The following GBE1 variants were observed in gnomAD, a reference collection of about 807,000 sequenced individuals.
GBE1 encodes the protein 1,4-alpha-glucan-branching enzyme.
Under a neutral mutation model 88.8 loss-of-function variants are expected in GBE1, and 70 were observed. The observed-to-expected ratio is 0.79, with a 90% CI of 0.65 to 0.96. The LOEUF (loss-of-function observed/expected upper bound fraction) is 0.96, where lower values mean the gene tolerates loss of function less well. Ranked by LOEUF, GBE1 falls within the 40% of genes least tolerant of loss-of-function variation. GBE1 has a pLI of 0.00. For missense variants in GBE1, 872 were observed against 871.0 expected, an observed-to-expected ratio of 1.00 and a Z score of -0.01; for synonymous variants, 284 against 300.1, an observed-to-expected ratio of 0.95 and a Z score of 0.56.
At position 81,630,621 on chromosome 3, in the gene GBE1, T is replaced by C. The variant is rs1034303703; in HGVS notation, c.992+12160A>G. ...CAACTTTTTGCTGTAAAATTATGAATATTAAATACACATCAACTATTTCTG... is the reference window on the plus strand; with the variant it reads ...CAACTTTTTGCTGTAAAATTATGAACATTAAATACACATCAACTATTTCTG... On this transcript the variant is annotated intron_variant, in intron 7 of 15. Coordinates refer to ENST00000429644, the MANE Select transcript of GBE1 (RefSeq NM_000158.4). 3.3e-5 allele frequency among the ~76,000 whole-genome samples: 5 copies of C among 152,140 alleles called. No individual in the cohort carries two copies. In the South Asian group the frequency reaches 6.2e-4, roughly 19 times the overall value.
chr3:81,593,451 T>C (rs1200745721), intron 8 of GBE1, among the ~76,000 whole-genome samples: 1 of 150,742 alleles, frequency 6.6e-6, no homozygotes, highest in Non-Finnish European at 1.5e-5. Context: ...TCTACTTCTT[T>C]GTACAACTTT....
rs1318885346 is a variant in GBE1, at chr3:81,646,576, T to A, written c.692-94A>T. The stretch of plus-strand genomic sequence containing the variant: ...CATCCTTATTCCAAATACATTAAAA[T>A]TTACAAACAATCTAGAAGCTTTGGT... On this transcript the variant is annotated intron_variant, in intron 5 of 15. Coordinates refer to ENST00000429644, the MANE Select transcript of GBE1 (RefSeq NM_000158.4). 6 of 707,248 alleles carry A rather than the reference T, an allele frequency of 8.5e-6. No individual in the cohort carries two copies. The Admixed American group carries it at 1.2e-4, about 15-fold the overall frequency. The allele number at this position is 707,248 out of a possible 1,614,324, so 43.8% of individuals were successfully genotyped here. A position where few individuals can be genotyped will look rare whatever the true frequency, so the allele number is the denominator to read the frequency against.
chr3:81,512,219 T>G (rs1279334693), intron 14 of GBE1, among the ~76,000 whole-genome samples: 1 of 151,708 alleles, frequency 6.6e-6, no homozygotes, highest in African/African-American at 2.4e-5. Flanking sequence ...ATGGAGGCAG[T>G]GTCTGAAAAA....
chr3:81,619,986 G>A (rs1018534978), intron 7 of GBE1, among the ~76,000 whole-genome samples: 2 of 151,592 alleles, frequency 1.3e-5, no homozygotes, highest in Non-Finnish European at 2.9e-5. Context: ...ATACATTTAT[G>A]AGCTAAAATA....
At position 81,540,566 on chromosome 3, in the gene GBE1, G is replaced by T. The variant is rs187389013; in HGVS notation, c.1619-3471C>A. ...GTAACAAGGATGAATCCAAAGGGTT[G>T]CTAGCTATTTGGCTCTTGTTCATAC... On this transcript the variant is annotated intron_variant, in intron 12 of 15. Transcript: ENST00000429644. Among the ~76,000 whole-genome samples the T allele has an allele frequency of 2.2e-4, 33 of 152,132 alleles. No homozygotes were observed. In the East Asian group the frequency reaches 5.4e-3, roughly 25 times the overall value.
intron 7 of GBE1, among the ~76,000 whole-genome samples, chr3:81,611,276 T>C (rs1305861405): frequency 6.6e-6 from 1 of 152,174 alleles, no homozygotes; most frequent in African/African-American, 2.4e-5. Flanking sequence ...AAATATAATA[T>C]GAAAAGTCAG....
chr3:81,694,551 A>G (rs1705566423), intron 2 of GBE1, among the ~76,000 whole-genome samples: 1 of 152,198 alleles, frequency 6.6e-6, no homozygotes, highest in Admixed American at 6.5e-5. Context: ...TACCCACTAA[A>G]CCAACTCAAC....
At chr3:81,569,444 C>T (rs1231597524) in intron 12 of GBE1, among the ~76,000 whole-genome samples, 1 of 152,192 alleles carries the variant, frequency 6.6e-6, no homozygotes, top group African/African-American at 2.4e-5. Context: ...TGGCATTCCA[C>T]CAGTGAGTAG....
intron 7 of GBE1, among the ~76,000 whole-genome samples, chr3:81,596,936 A>G (rs570419816): frequency 1.3e-5 from 2 of 152,102 alleles, no homozygotes; most frequent in Admixed American, 6.6e-5. Context: ...GATGTTCAAT[A>G]TTATTTCTAC....
At chr3:81,696,883 C>G (rs1705604185) in intron 2 of GBE1, among the ~76,000 whole-genome samples, 1 of 152,180 alleles carries the variant, frequency 6.6e-6, no homozygotes, top group African/African-American at 2.4e-5. Context: ...GAAAAACTCT[C>G]TCAAACCATG....
chr3:81,595,185 G>A (rs930543869), intron 7 of GBE1, among the ~76,000 whole-genome samples: 5 of 151,176 alleles, frequency 3.3e-5, no homozygotes, highest in Non-Finnish European at 7.4e-5. Context: ...AGGGAGACAG[G>A]AGGTTCAAGA....
chr3:81,573,300 C>T (rs1703599242), intron 12 of GBE1, among the ~76,000 whole-genome samples: 1 of 152,106 alleles, frequency 6.6e-6, no homozygotes, highest in Non-Finnish European at 1.5e-5. Flanking sequence ...CTCAAATTAT[C>T]AGTCAATTGC....
At chr3:81,749,005 C>CAAAAAAAAA (rs34051030) in intron 1 of GBE1, among the ~76,000 whole-genome samples, 2 of 108,070 alleles carry the variant, frequency 1.9e-5, no homozygotes, top group Non-Finnish European at 1.9e-5. Flanking sequence ...GACTCTGTCT[C>CAAAAAAAAA]AAAAAAAAAA....
intron 12 of GBE1, among the ~76,000 whole-genome samples, chr3:81,555,754 T>C (rs1471756091): frequency 1.3e-5 from 2 of 152,166 alleles, no homozygotes; most frequent in Non-Finnish European, 2.9e-5. Context: ...TTCTGTCCAT[T>C]CTTTATTAAC....
chr3:81,501,275 G>A (rs574828143), intron 14 of GBE1, among the ~76,000 whole-genome samples: 2 of 152,274 alleles, frequency 1.3e-5, no homozygotes, highest in Non-Finnish European at 2.9e-5. Flanking sequence ...TGGAAGACAG[G>A]GGTTATTTTA....
intron 1 of GBE1, among the ~76,000 whole-genome samples, chr3:81,760,913 T>A (rs1345562837): frequency 2.6e-5 from 4 of 152,234 alleles, no homozygotes; most frequent in Admixed American, 2.6e-4. Context: ...CTCTTAGATA[T>A]AAAATCACAA....
At chr3:81,611,812 G>T (rs1704186028) in intron 7 of GBE1, among the ~76,000 whole-genome samples, 1 of 152,170 alleles carries the variant, frequency 6.6e-6, no homozygotes, top group Admixed American at 6.5e-5. Flanking sequence ...AATAGCATTA[G>T]TTAGTAGAAG....
chr3:81,741,330 G>T (rs1383802373), intron 1 of GBE1, among the ~76,000 whole-genome samples: 1 of 151,942 alleles, frequency 6.6e-6, no homozygotes, highest in Non-Finnish European at 1.5e-5. Flanking sequence ...TTAAGCCAAA[G>T]AAAAAGTATT....
intron 12 of GBE1, among the ~76,000 whole-genome samples, chr3:81,572,118 C>A (rs1418049336): frequency 3.9e-5 from 6 of 152,124 alleles, no homozygotes; most frequent in Admixed American, 6.6e-5. Flanking sequence ...TTACAAGGGG[C>A]TCTTCCACCT....
Sources: gnomAD v4.1 joint callset for allele counts (sites outside exome capture counted in the v4.1 genomes callset) on GRCh38, gnomAD v4.1.1 for gene constraint, MANE v1.5 for transcripts, NCBI Gene and HGNC (gene_info 2026-07-23, HGNC 2026-07-21) for gene names.